The following KCNH7 variants were observed in gnomAD, a reference collection of about 807,000 sequenced individuals.
The protein encoded by KCNH7 is potassium voltage-gated channel subfamily H member 7.
Under a neutral mutation model 120.8 loss-of-function variants are expected in KCNH7, and 49 were observed. The ratio of observed to expected loss-of-function variants is 0.41; its 90% CI spans 0.32 to 0.51. KCNH7 has a LOEUF of 0.51. KCNH7 is among the 20% of genes least tolerant of loss of function. The pLI, the probability that KCNH7 is intolerant of heterozygous loss-of-function variation, is 0.38. For synonymous variants in KCNH7, 547 were observed against 516.1 expected (o/e 1.06, Z -0.81); for missense variants, 1,097 against 1,446.6 (o/e 0.76, Z 3.92).
intron 2 of KCNH7, among the ~76,000 whole-genome samples, chr2:162,650,364 T>G (rs1307872285): frequency 6.6e-6 from 1 of 152,234 alleles, no homozygotes; most frequent in Admixed American, 6.5e-5. Context: ...CTTATGATTT[T>G]GGTAGTTCAT....
intron 2 of KCNH7, among the ~76,000 whole-genome samples, chr2:162,658,162 T>C (rs569354223): frequency 1.3e-5 from 2 of 151,912 alleles, no homozygotes; most frequent in East Asian, 2.0e-4. Context: ...AATCTACTGG[T>C]ACAGGCTCAG....
At chr2:162,422,864 T>C (rs962299496) in intron 9 of KCNH7, among the ~76,000 whole-genome samples, 4 of 152,208 alleles carry the variant, frequency 2.6e-5, no homozygotes, top group East Asian at 1.9e-4. Context: ...AAAGTGCTTA[T>C]GTATACTTAA....
chr2:162,656,564 G>A (rs1183495219), intron 2 of KCNH7, among the ~76,000 whole-genome samples: 1 of 152,158 alleles, frequency 6.6e-6, no homozygotes, highest in East Asian at 1.9e-4. Flanking sequence ...AAGGAGAGAT[G>A]AGCATAAAAG....
chr2:162,583,792 G>GTATGTATGAA (rs1281378957), intron 2 of KCNH7, among the ~76,000 whole-genome samples: 1 of 152,058 alleles, frequency 6.6e-6, no homozygotes, highest in Non-Finnish European at 1.5e-5. Context: ...AGTAAGAATA[G>GTATGTATGAA]GGCACTAATG....
At chr2:162,538,228 T>C (rs1692177539) in intron 2 of KCNH7, among the ~76,000 whole-genome samples, 2 of 152,040 alleles carry the variant, frequency 1.3e-5, no homozygotes, top group Non-Finnish European at 2.9e-5. Flanking sequence ...TTTATTTACT[T>C]ATTATTATTT....
intron 2 of KCNH7, among the ~76,000 whole-genome samples, chr2:162,752,112 A>T (rs1300243394): frequency 1.3e-5 from 2 of 152,156 alleles, no homozygotes; most frequent in African/African-American, 2.4e-5. Flanking sequence ...AATAAAAGTA[A>T]TTTTTCAGGT....
At chr2:162,497,958 T>C (rs1381368904) in intron 6 of KCNH7, among the ~76,000 whole-genome samples, 1 of 152,136 alleles carries the variant, frequency 6.6e-6, no homozygotes, top group Admixed American at 6.6e-5. Context: ...GACTTAAAGA[T>C]TATATGGCTT....
intron 6 of KCNH7, among the ~76,000 whole-genome samples, chr2:162,496,316 G>A (rs904283887): frequency 1.3e-5 from 2 of 152,106 alleles, no homozygotes; most frequent in African/African-American, 4.8e-5. Flanking sequence ...CCCCACAAGT[G>A]CTGACACCAG....
chr2:162,645,425 C>T (rs1393984013), intron 2 of KCNH7, among the ~76,000 whole-genome samples: 1 of 152,108 alleles, frequency 6.6e-6, no homozygotes, highest in East Asian at 1.9e-4. Context: ...GGATTACAGG[C>T]ATGAGCCACT....
At chr2:162,678,136 C>T (rs956107401) in intron 2 of KCNH7, among the ~76,000 whole-genome samples, 2 of 151,030 alleles carry the variant, frequency 1.3e-5, no homozygotes, top group African/African-American at 2.4e-5. Flanking sequence ...TGTCTGTGTG[C>T]GTATGTATGA....
intron 2 of KCNH7, among the ~76,000 whole-genome samples, chr2:162,635,888 G>A (rs536777732): frequency 6.6e-6 from 1 of 152,094 alleles, no homozygotes; most frequent in South Asian, 2.1e-4. Context: ...GGGATTTTTG[G>A]AAACATCTTG....
At chr2:162,563,263 A>C (rs1693134947) in intron 2 of KCNH7, among the ~76,000 whole-genome samples, 1 of 152,146 alleles carries the variant, frequency 6.6e-6, no homozygotes, top group African/African-American at 2.4e-5. Flanking sequence ...GCATGAAATC[A>C]TATAATGGCT....
chr2:162,629,357 G>C (rs150793404), intron 2 of KCNH7, among the ~76,000 whole-genome samples: 1 of 151,964 alleles, frequency 6.6e-6, no homozygotes, highest in Admixed American at 6.6e-5. Context: ...CCCCACCATC[G>C]CTGTCAGAGG....
chr2:162,827,641 T>C (rs1342549105), intron 2 of KCNH7, among the ~76,000 whole-genome samples: 1 of 152,118 alleles, frequency 6.6e-6, no homozygotes, highest in Non-Finnish European at 1.5e-5. Flanking sequence ...ATCAATAGAA[T>C]CTATGTTTAA....
intron 2 of KCNH7, among the ~76,000 whole-genome samples, chr2:162,564,366 C>T (rs1559017284): frequency 6.6e-6 from 1 of 152,094 alleles, no homozygotes; most frequent in Admixed American, 6.6e-5. Flanking sequence ...CAGTTAAAAG[C>T]GTTAGCGTAG....
At chr2:162,644,209 C>T (rs1183732481) in intron 2 of KCNH7, among the ~76,000 whole-genome samples, 1 of 152,066 alleles carries the variant, frequency 6.6e-6, no homozygotes, top group Non-Finnish European at 1.5e-5. Context: ...CACTCAGTAT[C>T]AACAAATAAC....
chr2:162,660,029 C>T (rs549529774), intron 2 of KCNH7, among the ~76,000 whole-genome samples: 8 of 152,096 alleles, frequency 5.3e-5, no homozygotes, highest in South Asian at 2.1e-4. Context: ...ATGTAGTTAG[C>T]CTGCCTAGAG....
intron 9 of KCNH7, among the ~76,000 whole-genome samples, chr2:162,403,031 T>A (rs1687109573): frequency 6.6e-6 from 1 of 151,950 alleles, no homozygotes; most frequent in Non-Finnish European, 1.5e-5. Flanking sequence ...TTGGGAAAGC[T>A]AAATTAATAA....
At chr2:162,553,421 G>A (rs1354341233) in intron 2 of KCNH7, among the ~76,000 whole-genome samples, 2 of 152,124 alleles carry the variant, frequency 1.3e-5, no homozygotes, top group Non-Finnish European at 2.9e-5. Context: ...AGGCTGAGGC[G>A]GGCAGATCAC....
Sources: allele counts gnomAD v4.1 joint callset (sites outside exome capture counted in the v4.1 genomes callset), GRCh38; gene constraint gnomAD v4.1.1; transcripts MANE v1.5; gene names NCBI Gene and HGNC (gene_info 2026-07-23, HGNC 2026-07-21).